FAM120A: variants seen among roughly 807,000 people sequenced by gnomAD.
FAM120A encodes the protein constitutive coactivator of PPAR-gamma-like protein 1.
Under a neutral mutation model 109.7 loss-of-function variants are expected in FAM120A, and 15 were observed. The ratio of observed to expected loss-of-function variants is 0.14; its 90% CI spans 0.09 to 0.21. The LOEUF (loss-of-function observed/expected upper bound fraction) is 0.21, where lower values mean the gene tolerates loss of function less well. Ranked by LOEUF, FAM120A falls within the 10% of genes least tolerant of loss-of-function variation. FAM120A has a pLI of 1.00. For synonymous variants in FAM120A, 493 were observed against 572.8 expected (o/e 0.86, Z 1.99); for missense variants, 899 against 1,439.3 (o/e 0.62, Z 6.07).
intron 12 of FAM120A, among the ~76,000 whole-genome samples, chr9:93,555,742 A>G (rs898247505): frequency 1.3e-5 from 2 of 152,232 alleles, no homozygotes; most frequent in African/African-American, 2.4e-5. Context: ...TTCTAGTAGT[A>G]TGTATGGTTC....
intron 5 of FAM120A, among the ~76,000 whole-genome samples, chr9:93,514,209 G>A (rs1190511164): frequency 6.6e-6 from 1 of 152,168 alleles, no homozygotes; most frequent in African/African-American, 2.4e-5. Flanking sequence ...CAGATCTTGT[G>A]AGAACTCATT....
intron 7 of FAM120A, among the ~76,000 whole-genome samples, chr9:93,518,461 G>A (rs1418140646): frequency 1.3e-5 from 2 of 152,204 alleles, no homozygotes; most frequent in Non-Finnish European, 2.9e-5. Context: ...AGAATTGAAT[G>A]AGGACCCCGG....
chr9:93,474,990 A>G (rs946662660), intron 2 of FAM120A, among the ~76,000 whole-genome samples: 25 of 152,316 alleles, frequency 1.6e-4, no homozygotes, highest in African/African-American at 5.8e-4. Flanking sequence ...AGATTTGCTC[A>G]TTTGGACATC....
At chr9:93,480,262 G>C (rs1588813139) in intron 3 of FAM120A, among the ~76,000 whole-genome samples, 1 of 152,206 alleles carries the variant, frequency 6.6e-6, no homozygotes, top group Non-Finnish European at 1.5e-5. Context: ...TGTAGGATGG[G>C]GTTAGGGGTC....
chr9:93,519,239 A>G (rs1417107694), intron 7 of FAM120A, among the ~76,000 whole-genome samples: 1 of 152,030 alleles, frequency 6.6e-6, no homozygotes, highest in African/African-American at 2.4e-5. Flanking sequence ...ATATATATGT[A>G]TGTATTTTTA....
At chr9:93,476,057 G>A (rs1858534984) in intron 2 of FAM120A, among the ~76,000 whole-genome samples, 199 bp from the exon 3 acceptor site, 1 of 152,222 alleles carries the variant, frequency 6.6e-6, no homozygotes, top group South Asian at 2.1e-4. Flanking sequence ...TGTTGGGACT[G>A]CACTAGAAAT....
intron 3 of FAM120A, among the ~76,000 whole-genome samples, chr9:93,489,507 G>A (rs759357030): frequency 6.6e-6 from 1 of 152,190 alleles, no homozygotes; most frequent in Non-Finnish European, 1.5e-5. Flanking sequence ...GCCACCTCTG[G>A]CCTACCTGCC....
At chr9:93,517,430 A>G (rs1860649349) in intron 7 of FAM120A, among the ~76,000 whole-genome samples, 1 of 152,182 alleles carries the variant, frequency 6.6e-6, no homozygotes, top group South Asian at 2.1e-4. Context: ...CCAAATTTGC[A>G]TTTTAAATAA....
intron 1 of FAM120A, chr9:93,453,438 C>T: frequency 1.0e-6 from 1 of 985,424 alleles, no homozygotes. Flanking sequence ...ATTTTGGGGG[C>T]CTTTTTGTTG....
At chr9:93,469,896 A>G (rs901928785) in intron 1 of FAM120A, among the ~76,000 whole-genome samples, 2 of 152,160 alleles carry the variant, frequency 1.3e-5, no homozygotes, top group African/African-American at 4.8e-5. Flanking sequence ...TGCTTTTATT[A>G]TGAAAGTTGG....
chr9:93,501,889 T>C (rs1859818466), intron 5 of FAM120A, among the ~76,000 whole-genome samples: 1 of 152,254 alleles, frequency 6.6e-6, no homozygotes, highest in African/African-American at 2.4e-5. Context: ...CATTGATTTT[T>C]ACCCCTGCAT....
intron 5 of FAM120A, among the ~76,000 whole-genome samples, chr9:93,515,140 T>C (rs1860511052): frequency 6.6e-6 from 1 of 152,266 alleles, no homozygotes; most frequent in Non-Finnish European, 1.5e-5. Context: ...TGAAAAGCAA[T>C]TCCTTTTATA....
intron 3 of FAM120A, among the ~76,000 whole-genome samples, chr9:93,480,888 C>T (rs952533454): frequency 8.5e-5 from 13 of 152,266 alleles, no homozygotes; most frequent in African/African-American, 2.9e-4. Flanking sequence ...TGCTCTGGGC[C>T]GCTGTGCTCC....
At chr9:93,461,667 T>C (rs1374757569) in intron 1 of FAM120A, among the ~76,000 whole-genome samples, 2 of 152,188 alleles carry the variant, frequency 1.3e-5, no homozygotes, top group Non-Finnish European at 2.9e-5. Context: ...GCATTTCTTT[T>C]ATGACATCAC....
At chr9:93,456,303 T>C (rs1857546366) in intron 1 of FAM120A, among the ~76,000 whole-genome samples, 1 of 152,236 alleles carries the variant, frequency 6.6e-6, no homozygotes, top group Non-Finnish European at 1.5e-5. Flanking sequence ...ATGTTTCTGC[T>C]ATATGACTTG....
intron 5 of FAM120A, among the ~76,000 whole-genome samples, chr9:93,505,249 A>G (rs1588853712): frequency 6.6e-6 from 1 of 151,508 alleles, no homozygotes; most frequent in Admixed American, 6.6e-5. Context: ...TTTAGTAGAG[A>G]TGGGGTTTCA....
At chr9:93,558,366 C>T (rs1250628419) in intron 14 of FAM120A, among the ~76,000 whole-genome samples, 2 of 152,242 alleles carry the variant, frequency 1.3e-5, no homozygotes, top group African/African-American at 2.4e-5. Context: ...GAGCCCCATG[C>T]TAGTGCCCTG....
intron 1 of FAM120A, among the ~76,000 whole-genome samples, chr9:93,469,101 C>A (rs900154625): frequency 6.6e-6 from 1 of 152,226 alleles, no homozygotes; most frequent in Non-Finnish European, 1.5e-5. Context: ...AGGGCCAGCC[C>A]CTCCTTTCAG....
At chr9:93,541,382 T>C (rs1411302643) in intron 10 of FAM120A, among the ~76,000 whole-genome samples, 3 of 152,072 alleles carry the variant, frequency 2.0e-5, no homozygotes, top group Non-Finnish European at 2.9e-5. Context: ...AGTCTACTTC[T>C]GGGAAAGCTT....
Sources: gnomAD v4.1 joint callset for allele counts (sites outside exome capture counted in the v4.1 genomes callset) on GRCh38, gnomAD v4.1.1 for gene constraint, MANE v1.5 for transcripts, NCBI Gene and HGNC (gene_info 2026-07-23, HGNC 2026-07-21) for gene names.